The following PER1 variants were observed in gnomAD, a reference collection of about 807,000 sequenced individuals.
PER1 encodes period circadian protein homolog 1.
PER1 carries 87 observed loss-of-function variants against 125.9 expected under a neutral mutation model. The observed-to-expected ratio is 0.69, with a 90% CI of 0.58 to 0.83. The LOEUF (loss-of-function observed/expected upper bound fraction) is 0.83, where lower values mean the gene tolerates loss of function less well. Among genes scored for constraint, PER1 ranks in the 40% least tolerant of loss-of-function variants. PER1 has a pLI of 0.00. For synonymous variants in PER1, 801 were observed against 714.7 expected, an observed-to-expected ratio of 1.12 and a Z score of -1.93; for missense variants, 1,775 against 1,722.8, an observed-to-expected ratio of 1.03 and a Z score of -0.54.
At chr17:8,142,100 A>G in intron 21 of PER1, 145 bp from the exon 22 acceptor site, 1 of 1,196,746 alleles carries the variant, frequency 8.4e-7, no homozygotes, top group South Asian at 1.3e-5. Flanking sequence ...GGCTTCCAAG[A>G]CCAGGAAACC....
Position 8,146,373 on chromosome 17 carries a change from T to G in PER1, c.2037A>C (p.Lys679Asn), listed in dbSNP as rs1200176770. The G allele has an allele frequency of 1.9e-6, 3 of 1,599,972 alleles. No individual in the cohort carries two copies. Among genetic ancestry groups the G allele is most frequent in the South Asian group, 1.1e-5 (1 of 88,726 alleles). ...RTGPVSVGTK[K>N]DPPSAALSGE... ...GAGCAGGGTGCATTGGATCTTTACCTTTCTTGGTCCCCACAGAGACTGGAC... is the reference window on the plus strand; with the variant it reads ...GAGCAGGGTGCATTGGATCTTTACCGTTCTTGGTCCCCACAGAGACTGGAC... Residue 679 changes from lysine (K) to asparagine (N), a missense_variant and splice_region_variant, in exon 16 of 23, where the codon AAA (lysine) becomes AAC (asparagine). Transcript: ENST00000317276.
intron 6 of PER1, 57 bp downstream of exon 6, chr17:8,149,405 C>G (rs749331457): frequency 6.2e-7 from 1 of 1,607,316 alleles, no homozygotes; most frequent in Non-Finnish European, 8.5e-7. Flanking sequence ...CCCGGCCCCT[C>G]ACAGCAGGAA....
In PER1 at chr17:8,148,026, C is replaced by T. The variant is rs1425255455; in HGVS notation, c.1205G>A (p.Arg402Gln). The T allele has an allele frequency of 7.4e-6, 12 of 1,612,852 alleles. No individual in the cohort carries two copies. The highest frequency in any genetic ancestry group is 4.5e-5 in the East Asian group (2 of 44,856). ...PVLLFLHPED[R>Q]PLMLAIHKKI... ...CTTGTGGATAGCCAGCATGAGGGGT[C>T]GGTCCTCAGGATGCAGGAACAGGAG... is the stretch of plus-strand genomic sequence containing the variant. Residue 402 changes from arginine to glutamine, a missense_variant, in exon 10 of 23, where the codon CGA becomes CAA. Transcript: ENST00000317276.
intron 21 of PER1, 152 bp downstream of exon 21, chr17:8,142,117 C>G: frequency 7.0e-6 from 8 of 1,136,728 alleles, no homozygotes; most frequent in Non-Finnish European, 1.0e-5. Flanking sequence ...AACCTGCTCT[C>G]CTCCTGGGAG....
intron 21 of PER1, 135 bp from the exon 22 acceptor site, chr17:8,142,090 G>T: frequency 7.8e-7 from 1 of 1,282,978 alleles, no homozygotes. Flanking sequence ...GCGAGGTCAA[G>T]GCTTCCAAGA....
rs757031520 is a variant in PER1 at position 8,147,255 on chromosome 17, C to G, written c.1624G>C (p.Ala542Pro). Residue 542 changes from alanine (A) to proline (P), a missense_variant, in exon 13 of 23, where the codon GCG becomes CCG. By Grantham distance (27) the Ala-to-Pro change is conservative (BLOSUM62 -1). Coordinates refer to ENST00000317276, the MANE Select transcript of PER1 (RefSeq NM_002616.3). ...GGTAGGAGCAGGTCACTCACTGGCG[C>G]AGGAGGCCCAGGCCCCTCTGCATCA... Reference protein sequence around the residue: ...GGDAEGPGPPAPVTFQQICKD... With the variant: ...GGDAEGPGPPPPVTFQQICKD... The G allele has an allele frequency of 6.2e-7, 1 of 1,607,160 alleles. No homozygotes were observed. The highest frequency in any genetic ancestry group is 1.7e-5 in the Admixed American group (1 of 59,006).
chr17:8,141,059 G>A lies in PER1; in HGVS notation c.*9C>T. 2.5e-6 allele frequency: 4 copies of A among 1,606,142 alleles called. No homozygotes were observed. Among genetic ancestry groups the A allele is most frequent in the Non-Finnish European group, 2.6e-6 (3 of 1,174,670 alleles). ...TCATGGACTCCTGGAGATGGTCCCA[G>A]AATGGAGTCTAGCTGGTGCAGTTTC... On this transcript the variant is annotated 3_prime_UTR_variant, in exon 23 of 23. Transcript: ENST00000317276.
At chr17:8,142,975 TGA>T in intron 19 of PER1, 140 bp from the exon 20 acceptor site, 1 of 682,336 alleles carries the variant, frequency 1.5e-6, no homozygotes, top group Non-Finnish European at 2.5e-6. Context: ...AGGGCCAGGC[TGA>T]GAGAGAAGAA....
intron 22 of PER1, 29 bp from the exon 23 acceptor site, chr17:8,141,369 T>C (rs951275533): frequency 7.0e-6 from 11 of 1,571,180 alleles, no homozygotes; most frequent in Non-Finnish European, 8.6e-6. Context: ...CATGAGAGAG[T>C]CAGACAGGGT....
intron 1 of PER1, among the ~76,000 whole-genome samples, chr17:8,151,385 C>A (rs538237643): frequency 6.6e-6 from 1 of 152,192 alleles, no homozygotes; most frequent in Non-Finnish European, 1.5e-5. Flanking sequence ...GGAGCGACCC[C>A]TCCCCCATTT....
chr17:8,144,311 C>T, intron 18 of PER1: 1 of 415,332 alleles, frequency 2.4e-6, no homozygotes, highest in Non-Finnish European at 4.3e-6. Flanking sequence ...AAAGCCCAGT[C>T]CTGAGTCCTG....
intron 18 of PER1, 160 bp downstream of exon 18, chr17:8,144,591 G>A: frequency 1.1e-6 from 1 of 950,956 alleles, no homozygotes; most frequent in Non-Finnish European, 1.5e-6. Context: ...ATCCTAGTGG[G>A]GAGAAGCTAG....
chr17:8,148,910 C>A (rs765764681), intron 7 of PER1, 124 bp from the exon 8 acceptor site: 2 of 1,159,428 alleles, frequency 1.7e-6, no homozygotes, highest in East Asian at 2.5e-5. Context: ...AGAGGTAGGC[C>A]GGGCACGGTG....
Position 8,149,756 on chromosome 17 carries a change from T to C in PER1, c.650A>G (p.Gln217Arg), listed in dbSNP as rs754871114. The C allele has an allele frequency of 7.4e-6, 12 of 1,612,774 alleles. No individual in the cohort carries two copies. Among genetic ancestry groups the C allele is most frequent in the Non-Finnish European group, 1.0e-5 (12 of 1,179,998 alleles). ...HITSEYTLQN[Q>R]DTFSVAVSFL... is the part of the protein sequence containing the mutation. ...TGCAGAGGCCAGGCCGCCGCTGACCTGGTTCTGAAGTGTGTACTCAGACGT... is the reference window on the plus strand; with the variant it reads ...TGCAGAGGCCAGGCCGCCGCTGACCCGGTTCTGAAGTGTGTACTCAGACGT... The change falls in exon 5 of 23, where the codon CAG becomes CGG. Residue 217 changes from glutamine to arginine, a missense_variant and splice_region_variant. Physicochemically the swap from Gln to Arg is conservative, Grantham distance 43. Coordinates refer to ENST00000317276, the MANE Select transcript of PER1 (RefSeq NM_002616.3).
At position 8,148,011 on chromosome 17, in the gene PER1, G is replaced by C. The variant is rs1226685570; in HGVS notation, c.1220C>G (p.Ala407Gly). 2 of 1,612,382 alleles carry C rather than the reference G, an allele frequency of 1.2e-6. No individual in the cohort carries two copies. Among genetic ancestry groups the C allele is most frequent in the African/African-American group, 2.7e-5 (2 of 74,924 alleles). ...LHPEDRPLML[A>G]IHKKILQLAG... ...GAGGAACTCACTCTTCTTGTGGATA[G>C]CCAGCATGAGGGGTCGGTCCTCAGG... The change falls in exon 10 of 23, where the codon GCT becomes GGT. Residue 407 changes from alanine to glycine, a missense_variant. Coordinates refer to ENST00000317276, the MANE Select transcript of PER1 (RefSeq NM_002616.3).
chr17:8,150,762 C>G lies in PER1; in HGVS notation c.-56G>C. The G allele has an allele frequency of 6.8e-7, 1 of 1,465,868 alleles. No homozygotes were observed. The highest frequency in any genetic ancestry group is 1.4e-5 in the African/African-American group (1 of 70,792). 90.8% of individuals were successfully genotyped at this position (1,465,868 alleles called of 1,614,324 possible). A position where few individuals can be genotyped will look rare whatever the true frequency, so the allele number is the denominator to read the frequency against. On this transcript the variant is annotated 5_prime_UTR_variant, in exon 2 of 23. Transcript: ENST00000317276. ...AGGCAGAGAGGCCACCACGGATGCA[C>G]GAGGGGGCCTGGAGGCTTGGCTGAG...
rs1362300934 is a variant in PER1 at position 8,149,752 on chromosome 17, G to T, written c.651+3C>A. 6.2e-7 allele frequency: 1 copy of T among 1,612,760 alleles called. No homozygotes were observed. Among genetic ancestry groups the T allele is most frequent in the Admixed American group, 1.7e-5 (1 of 60,030 alleles). On this transcript the variant is annotated splice_donor_region_variant and intron_variant, in intron 5 of 22. Coordinates refer to ENST00000317276, the MANE Select transcript of PER1 (RefSeq NM_002616.3). Reference sequence around the variant, plus strand: ...GGGATGCAGAGGCCAGGCCGCCGCTGACCTGGTTCTGAAGTGTGTACTCAG... The same window carrying T: ...GGGATGCAGAGGCCAGGCCGCCGCTTACCTGGTTCTGAAGTGTGTACTCAG...
chr17:8,143,630 G>C lies in PER1; in HGVS notation c.2708C>G (p.Thr903Arg). The change falls in exon 19 of 23, where the codon ACA becomes AGA. Residue 903 changes from threonine to arginine, a missense_variant. Thr to Arg is a moderately conservative substitution (Grantham distance 71). Transcript: ENST00000317276. ...GGGGAAAGCAGCTGGGGGCACAGAT[G>C]TGGGAGCAGGGGGAAGAGGCTGGGG... ...GGPQPLPPAP[T>R]SVPPAAFPAP... is the part of the protein sequence containing the mutation. 6.9e-7 allele frequency: 1 copy of C among 1,449,972 alleles called. No individual in the cohort carries two copies. Among genetic ancestry groups the C allele is most frequent in the Non-Finnish European group, 9.1e-7 (1 of 1,093,010 alleles). 89.8% of individuals were successfully genotyped at this position (1,449,972 alleles called of 1,614,324 possible).
Position 8,146,666 on chromosome 17 carries a change from G to A in PER1, c.1835C>T (p.Pro612Leu), listed in dbSNP as rs1982464169. ...GGCTTCTTTCCTCTCGGCCTCCTCA[G>A]GGACCAAGGCTAGTGGGGCCTGGAC... is the stretch of plus-strand genomic sequence containing the variant. ...APVQAPLALV[P>L]EEAERKEASS... The change falls in exon 15 of 23, where the codon CCT becomes CTT. Residue 612 changes from proline (P) to leucine (L), a missense_variant. Transcript: ENST00000317276. 3 of 1,613,794 alleles carry A rather than the reference G, an allele frequency of 1.9e-6. No individual in the cohort carries two copies. The highest frequency in any genetic ancestry group is 2.5e-6 in the Non-Finnish European group (3 of 1,180,014).
Sources: allele counts gnomAD v4.1 joint callset (sites outside exome capture counted in the v4.1 genomes callset), GRCh38; gene constraint gnomAD v4.1.1; transcripts MANE v1.5; gene names NCBI Gene and HGNC (gene_info 2026-07-23, HGNC 2026-07-21).